CACNA1C: variants seen among roughly 807,000 people sequenced by gnomAD.
CACNA1C encodes the protein voltage-dependent L-type calcium channel subunit alpha-1C.
Under a neutral mutation model 229.0 loss-of-function variants are expected in CACNA1C, and 30 were observed. That is an observed-to-expected ratio of 0.13 (90% confidence interval 0.10 to 0.18). The LOEUF (loss-of-function observed/expected upper bound fraction) is 0.18, where lower values mean the gene tolerates loss of function less well. Among genes scored for constraint, CACNA1C ranks in the 10% least tolerant of loss-of-function variants. CACNA1C has a pLI of 1.00. For missense variants in CACNA1C, 1,658 were observed against 2,845.0 expected, an observed-to-expected ratio of 0.58 and a Z score of 9.49; for synonymous variants, 1,114 against 1,132.5, an observed-to-expected ratio of 0.98 and a Z score of 0.33.
intron 3 of CACNA1C, among the ~76,000 whole-genome samples, chr12:2,300,604 G>T (rs1025137450): frequency 2.6e-5 from 4 of 152,156 alleles, no homozygotes; most frequent in Non-Finnish European, 4.4e-5. Flanking sequence ...CCAGCCTGGT[G>T]ACAGAGTGAG....
intron 13 of CACNA1C, among the ~76,000 whole-genome samples, chr12:2,571,208 G>T (rs563819682): frequency 6.6e-6 from 1 of 152,306 alleles, no homozygotes; most frequent in South Asian, 2.1e-4. Flanking sequence ...GTAACACTGG[G>T]ATTAAAAGGC....
chr12:2,288,523 G>T (rs1339944866), intron 3 of CACNA1C: 1 of 152,260 alleles, frequency 6.6e-6, no homozygotes, highest in Non-Finnish European at 1.5e-5. Context: ...ATGGGTTTGT[G>T]TTCCTTGATG....
chr12:2,227,243 T>C (rs1227263148), intron 3 of CACNA1C, among the ~76,000 whole-genome samples: 1 of 152,224 alleles, frequency 6.6e-6, no homozygotes, highest in African/African-American at 2.4e-5. Context: ...CACTTCAGTG[T>C]CAATTTTCCC....
chr12:2,139,746 C>T (rs1257117609), intron 3 of CACNA1C, among the ~76,000 whole-genome samples: 1 of 151,346 alleles, frequency 6.6e-6, no homozygotes, highest in Non-Finnish European at 1.5e-5. Flanking sequence ...AGCACCAATG[C>T]CTCCTCATTC....
chr12:2,436,870 G>A (rs948202324), intron 3 of CACNA1C, among the ~76,000 whole-genome samples: 2 of 152,182 alleles, frequency 1.3e-5, no homozygotes, highest in Non-Finnish European at 2.9e-5. Context: ...CTTCCCCCAG[G>A]ACCTCAGTTT....
chr12:2,463,025 G>C (rs1014785693), intron 5 of CACNA1C, among the ~76,000 whole-genome samples: 1 of 149,256 alleles, frequency 6.7e-6, no homozygotes, highest in Non-Finnish European at 1.5e-5. Context: ...CCATTCTCCT[G>C]CTTCAGCCTC....
In CACNA1C at chr12:2,688,524, C is replaced by T. The variant is rs945227847; in HGVS notation, c.5862C>T (p.Thr1954=). ...SPASFPRPFA[T]PPATPGSRGW... ...CCTCATTCCCTAGGCCTTTTGCCAC[C>T]CCACCAGCCACACCTGGCAGCCGAG... The change falls in exon 46 of 47, where the codon ACC becomes ACT. Residue 1954 remains threonine, a synonymous_variant. Transcript: ENST00000399655. The T allele has an allele frequency of 6.2e-7, 1 of 1,613,924 alleles. No homozygotes were observed. The highest frequency in any genetic ancestry group is 8.5e-7 in the Non-Finnish European group (1 of 1,179,888).
intron 3 of CACNA1C, among the ~76,000 whole-genome samples, chr12:2,209,005 C>A (rs769901803): frequency 1.3e-5 from 2 of 152,180 alleles, no homozygotes; most frequent in Non-Finnish European, 2.9e-5. Context: ...AGGGTTTGTG[C>A]ATGGCAAAGC....
chr12:2,318,360 C>T (rs371748250), intron 3 of CACNA1C, among the ~76,000 whole-genome samples: 3 of 152,310 alleles, frequency 2.0e-5, no homozygotes, highest in African/African-American at 4.8e-5. Flanking sequence ...TTAAGCAAGG[C>T]GACAGCGGAG....
chr12:2,313,699 C>T (rs941712861), intron 3 of CACNA1C, among the ~76,000 whole-genome samples: 10 of 152,070 alleles, frequency 6.6e-5, no homozygotes, highest in African/African-American at 1.2e-4. Flanking sequence ...CCCTCCCTGC[C>T]TTAGGGAAGG....
chr12:2,293,503 A>G (rs567351083), intron 3 of CACNA1C, among the ~76,000 whole-genome samples: 3 of 152,358 alleles, frequency 2.0e-5, no homozygotes, highest in African/African-American at 7.2e-5. Flanking sequence ...GTGGTCCAGG[A>G]TGGCTTTGAA....
intron 3 of CACNA1C, among the ~76,000 whole-genome samples, chr12:2,261,237 A>AAAAAAC (rs977222051): frequency 1.3e-5 from 2 of 152,168 alleles, no homozygotes; most frequent in Non-Finnish European, 2.9e-5. Context: ...GTCTCAAAAA[A>AAAAAAC]AAAAACAAAA....
At chr12:2,456,977 GC>G (rs2099430238) in intron 4 of CACNA1C, among the ~76,000 whole-genome samples, 1 of 152,252 alleles carries the variant, frequency 6.6e-6, no homozygotes, top group Admixed American at 6.5e-5. Flanking sequence ...AGGGCTGAAA[GC>G]CCTGTGTCTC....
intron 3 of CACNA1C, among the ~76,000 whole-genome samples, chr12:2,310,766 G>T (rs1213809580): frequency 6.6e-6 from 1 of 152,220 alleles, no homozygotes; most frequent in Non-Finnish European, 1.5e-5. Context: ...CAAGGAGCTG[G>T]TGTGTTTTGG....
chr12:2,241,850 A>G (rs2070482791), intron 3 of CACNA1C, among the ~76,000 whole-genome samples: 1 of 152,170 alleles, frequency 6.6e-6, no homozygotes, highest in Non-Finnish European at 1.5e-5. Context: ...CCTGGCACGC[A>G]GTGGGTCCGC....
intron 29 of CACNA1C, among the ~76,000 whole-genome samples, chr12:2,623,369 T>A (rs2084440356): frequency 6.6e-6 from 1 of 152,076 alleles, no homozygotes; most frequent in African/African-American, 2.4e-5. Context: ...TTCCCCATTG[T>A]CCACAGAGGA....
chr12:2,552,063 T>C (rs1020386881), intron 10 of CACNA1C, among the ~76,000 whole-genome samples: 2 of 152,026 alleles, frequency 1.3e-5, no homozygotes, highest in African/African-American at 4.8e-5. Flanking sequence ...TCTTGGGAAA[T>C]GGACACACAG....
chr12:2,672,259 A>C (rs552155082), intron 38 of CACNA1C: 1 of 152,350 alleles, frequency 6.6e-6, no homozygotes, highest in East Asian at 1.9e-4. Context: ...TGGAACATAA[A>C]AGGAAGATAG....
At chr12:2,655,285 G>T in intron 34 of CACNA1C, 47 bp downstream of exon 34, 1 of 1,159,510 alleles carries the variant, frequency 8.6e-7, no homozygotes. Context: ...ACACCTGCAT[G>T]GTGCCACACT....
Sources: gnomAD v4.1 joint callset for allele counts (sites outside exome capture counted in the v4.1 genomes callset) on GRCh38, gnomAD v4.1.1 for gene constraint, MANE v1.5 for transcripts, NCBI Gene and HGNC (gene_info 2026-07-23, HGNC 2026-07-21) for gene names.